Variants in CNTNAP2 observed in about 807,000 individuals in gnomAD.
CNTNAP2 encodes contactin associated protein 2, also known as contactin-associated protein-like 2.
A neutral mutation model predicts 155.2 loss-of-function variants in CNTNAP2; 98 were observed. The observed-to-expected ratio is 0.63, with a 90% CI of 0.54 to 0.75. The LOEUF is 0.75. CNTNAP2 is among the 30% of genes least tolerant of loss of function. The pLI is 0.00. For synonymous variants in CNTNAP2, 651 were observed against 631.2 expected, an observed-to-expected ratio of 1.03 and a Z score of -0.47; for missense variants, 1,727 against 1,688.1, an observed-to-expected ratio of 1.02 and a Z score of -0.40.
At chr7:147,157,132 A>G (rs200476878) in intron 8 of CNTNAP2, among the ~76,000 whole-genome samples, 6 of 152,044 alleles carry the variant, frequency 3.9e-5, no homozygotes, top group South Asian at 2.1e-4. Context: ...TTGTTGCCTC[A>G]TTGGCATATA....
intron 21 of CNTNAP2, among the ~76,000 whole-genome samples, chr7:148,340,828 AAGAG>A (rs1330890664): frequency 3.3e-5 from 5 of 152,334 alleles, no homozygotes; most frequent in Non-Finnish European, 4.4e-5. Context: ...GAGAGAGACT[AAGAG>A]AGAACAGAAA....
chr7:148,328,485 CTGTAGATTCCATCTCTTGG>C (rs568634088), intron 21 of CNTNAP2, among the ~76,000 whole-genome samples: 21,222 of 141,458 alleles, frequency 0.15, 2,216 homozygotes, highest in East Asian at 0.42. Flanking sequence ...TGTTGTCTGT[CTGTAGATTCCATCTCTTGG>C]TGTTCAATAG....
At chr7:147,458,375 G>A (rs1797959240) in intron 10 of CNTNAP2, among the ~76,000 whole-genome samples, 1 of 151,974 alleles carries the variant, frequency 6.6e-6, no homozygotes, top group Non-Finnish European at 1.5e-5. Flanking sequence ...TTGATGCATA[G>A]ACTCACAAGC....
chr7:148,352,622 TCA>T (rs1346584930), intron 21 of CNTNAP2, among the ~76,000 whole-genome samples: 4 of 152,182 alleles, frequency 2.6e-5, no homozygotes, highest in Non-Finnish European at 5.9e-5. Flanking sequence ...AGGGGCAGGC[TCA>T]GTCTCCCAGG....
rs192498551 is a variant in CNTNAP2 at position 148,349,484 on chromosome 7, C to G, written c.3476-34165C>G. The stretch of plus-strand genomic sequence containing the variant: ...TGGCGCTATCTCGGCTCACTGCAAG[C>G]TTTGCCTCCCAGGTTCACGCCATTC... On this transcript the variant is annotated intron_variant, in intron 21 of 23. Coordinates refer to ENST00000361727, the MANE Select transcript of CNTNAP2 (RefSeq NM_014141.6). Among the ~76,000 whole-genome samples the G allele has an allele frequency of 6.8e-4, 102 of 149,754 alleles. 1 individual carries two copies. The South Asian group carries it at 7.8e-3, about 11-fold the overall frequency.
At chr7:146,430,762 G>T (rs1796162274) in intron 1 of CNTNAP2, among the ~76,000 whole-genome samples, 1 of 151,936 alleles carries the variant, frequency 6.6e-6, no homozygotes, top group South Asian at 2.1e-4. Context: ...CACGTTTTGA[G>T]AGTTTCTAAA....
chr7:148,220,634 G>A (rs1179299350), intron 19 of CNTNAP2, among the ~76,000 whole-genome samples: 11 of 147,954 alleles, frequency 7.4e-5, no homozygotes, highest in Non-Finnish European at 7.5e-5. Flanking sequence ...TATAGGGATA[G>A]AAAAAAAAAA....
chr7:147,770,040 A>C (rs1584946266), intron 13 of CNTNAP2, among the ~76,000 whole-genome samples: 1 of 151,846 alleles, frequency 6.6e-6, no homozygotes, highest in East Asian at 1.9e-4. Flanking sequence ...CATTGTCCTT[A>C]TGTGTGTGTG....
intron 12 of CNTNAP2, among the ~76,000 whole-genome samples, chr7:147,631,815 T>C (rs939409095): frequency 6.6e-6 from 1 of 152,158 alleles, no homozygotes; most frequent in African/African-American, 2.4e-5. Flanking sequence ...TCGCTTAACT[T>C]ATGTAAAAAA....
At chr7:147,900,778 A>G (rs953563158) in intron 13 of CNTNAP2, among the ~76,000 whole-genome samples, 22 of 152,152 alleles carry the variant, frequency 1.4e-4, no homozygotes, top group Non-Finnish European at 1.2e-4. Context: ...CACTGTGGCC[A>G]GCTATGAAAT....
At chr7:147,793,641 GCTGTTCTGAGTCC>G (rs1030916756) in intron 13 of CNTNAP2, among the ~76,000 whole-genome samples, 11 of 152,058 alleles carry the variant, frequency 7.2e-5, no homozygotes, top group African/African-American at 2.7e-4. Context: ...GATGCTTTTG[GCTGTTCTGAGTCC>G]CTTGAATTTT....
At chr7:147,149,048 G>A (rs936993500) in intron 8 of CNTNAP2, among the ~76,000 whole-genome samples, 5 of 148,874 alleles carry the variant, frequency 3.4e-5, no homozygotes, top group African/African-American at 1.3e-4. Context: ...TGCTGGCTGG[G>A]GTGGCTGCTG....
intron 17 of CNTNAP2, among the ~76,000 whole-genome samples, chr7:148,166,566 T>A (rs765849757): frequency 7.2e-5 from 11 of 152,202 alleles, no homozygotes; most frequent in Non-Finnish European, 1.5e-4. Context: ...TTTGTCCCAG[T>A]CTTCTGTGCA....
Position 146,703,891 on chromosome 7 carries a change from C to G in CNTNAP2, c.98-70380C>G, listed in dbSNP as rs151238519. On this transcript the variant is annotated intron_variant, in intron 1 of 23. Coordinates refer to ENST00000361727, the MANE Select transcript of CNTNAP2 (RefSeq NM_014141.6). ...TTGTTCCATTTGTCTTTCCATTTCTCTCTCCCTTCTTTGTTCCAAGTCTTC... is the reference window on the plus strand; with the variant it reads ...TTGTTCCATTTGTCTTTCCATTTCTGTCTCCCTTCTTTGTTCCAAGTCTTC... Among the ~76,000 whole-genome samples, 732 of 152,212 alleles carry G rather than the reference C, an allele frequency of 4.8e-3. 4 individuals carry two copies. Among genetic ancestry groups the G allele is most frequent in the South Asian group, 0.019 (94 of 4,828 alleles).
rs75403225 is a variant in CNTNAP2, at chr7:147,378,523, C to T, written c.1499-17086C>T. Among the ~76,000 whole-genome samples, 1,400 of 152,020 alleles carry T rather than the reference C, an allele frequency of 9.2e-3. 24 individuals are homozygous for T. Among genetic ancestry groups the T allele is most frequent in the African/African-American group, 0.032 (1,312 of 41,502 alleles). On this transcript the variant is annotated intron_variant, in intron 9 of 23. Coordinates refer to ENST00000361727, the MANE Select transcript of CNTNAP2 (RefSeq NM_014141.6). ...CAGGCACAGAAAGACAAACTATGTG[C>T]GTTCTCACTCATTTGTGGGAGCTAA...
At chr7:147,040,645 G>C (rs530807428) in intron 3 of CNTNAP2, among the ~76,000 whole-genome samples, 3 of 151,796 alleles carry the variant, frequency 2.0e-5, no homozygotes, top group African/African-American at 7.2e-5. Flanking sequence ...ATTTTTAGTA[G>C]AGATAGGGTA....
intron 13 of CNTNAP2, among the ~76,000 whole-genome samples, chr7:147,883,039 A>G (rs1002499249): frequency 6.6e-6 from 1 of 152,220 alleles, no homozygotes; most frequent in African/African-American, 2.4e-5. Context: ...GATTCTGAAC[A>G]CTGATATAAC....
At chr7:146,947,557 GTATA>G (rs1325610298) in intron 3 of CNTNAP2, among the ~76,000 whole-genome samples, 1 of 50,714 alleles carries the variant, frequency 2.0e-5, no homozygotes, top group Non-Finnish European at 4.8e-5. Flanking sequence ...GTGTGTGTGT[GTATA>G]TATATATATA....
At chr7:147,389,805 T>A (rs186421679) in intron 9 of CNTNAP2, among the ~76,000 whole-genome samples, 2 of 152,348 alleles carry the variant, frequency 1.3e-5, no homozygotes, top group East Asian at 3.9e-4. Flanking sequence ...GTATAGACAT[T>A]GTATTTTTTA....
Sources: gnomAD v4.1 joint callset for allele counts (sites outside exome capture counted in the v4.1 genomes callset) on GRCh38, gnomAD v4.1.1 for gene constraint, MANE v1.5 for transcripts, NCBI Gene and HGNC (gene_info 2026-07-23, HGNC 2026-07-21) for gene names.